The following FARP1 variants were observed in gnomAD, a reference collection of about 807,000 sequenced individuals.
FARP1 encodes FERM, ARH/RhoGEF and pleckstrin domain protein 1.
Under a neutral mutation model 128.8 loss-of-function variants are expected in FARP1, and 52 were observed. The ratio of observed to expected loss-of-function variants is 0.40; its 90% CI spans 0.32 to 0.51. FARP1 has a LOEUF of 0.51. Ranked by LOEUF, FARP1 falls within the 20% of genes least tolerant of loss-of-function variation. The pLI is 0.45. For synonymous variants in FARP1, 580 were observed against 551.8 expected, an observed-to-expected ratio of 1.05 and a Z score of -0.72; for missense variants, 1,333 against 1,367.9, an observed-to-expected ratio of 0.97 and a Z score of 0.40.
intron 3 of FARP1, among the ~76,000 whole-genome samples, chr13:98,357,764 C>T (rs1485338660): frequency 1.3e-5 from 2 of 152,016 alleles, no homozygotes; most frequent in Non-Finnish European, 2.9e-5. Context: ...GCTTCTTGTA[C>T]CTGATTTTTA....
rs1370379841 is a variant in FARP1, at chr13:98,440,171, T to C, written c.2565T>C (p.Ile855=). Residue 855 remains isoleucine (I), a synonymous_variant, in exon 23 of 27, where the codon ATT becomes ATC. Transcript: ENST00000319562. ...EKWVEDIQMA[I]DLAEKSSSPA... ...GGGTTGAGGACATCCAGATGGCCAT[T>C]GACCTGGCGGAGAAGAGCAGCAGCC... is the stretch of plus-strand genomic sequence containing the variant. The C allele has an allele frequency of 4.3e-6, 7 of 1,613,934 alleles. No homozygotes were observed. The highest frequency in any genetic ancestry group is 5.9e-6 in the Non-Finnish European group (7 of 1,180,010).
rs10555277 is a variant in FARP1, at chr13:98,346,186, ATTTTTTTT to A, written c.276+2334_276+2341del. On this transcript the variant is annotated intron_variant, in intron 3 of 26. Transcript: ENST00000319562. The stretch of plus-strand genomic sequence containing the variant: ...TTCCAGCCTGAGCTAATTGCATATA[ATTTTTTTT>A]TTTTTTTTTTTTTGAGAAGGTGTCT... Among the ~76,000 whole-genome samples the A allele has an allele frequency of 1.0e-4, 11 of 105,678 alleles. No homozygotes were observed. The South Asian group carries it at 3.9e-3, about 38-fold the overall frequency. The allele number at this position is 105,678 out of a possible 152,430, so 69.3% of individuals were successfully genotyped here. A position where few individuals can be genotyped will look rare whatever the true frequency, so the allele number is the denominator to read the frequency against.
chr13:98,151,660 CTTTTTTT>C (rs34250002), intron 1 of FARP1, among the ~76,000 whole-genome samples: 1 of 69,224 alleles, frequency 1.4e-5, no homozygotes, highest in South Asian at 8.7e-4. Flanking sequence ...TATCTTCCAT[CTTTTTTT>C]TTTTTTTTTT....
chr13:98,406,093 A>G (rs1300653147), intron 13 of FARP1: 1 of 152,210 alleles, frequency 6.6e-6, no homozygotes, highest in African/African-American at 2.4e-5. Context: ...TTATAGACAC[A>G]GCTCTTCCCA....
chr13:98,192,352 A>G (rs1315680256), intron 1 of FARP1, among the ~76,000 whole-genome samples: 1 of 152,066 alleles, frequency 6.6e-6, no homozygotes, highest in Non-Finnish European at 1.5e-5. Context: ...GTGTGTGTTG[A>G]ATCACATTGC....
At chr13:98,362,273 A>G (rs907713609) in intron 3 of FARP1, among the ~76,000 whole-genome samples, 1 of 152,132 alleles carries the variant, frequency 6.6e-6, no homozygotes, top group African/African-American at 2.4e-5. Context: ...CAAGCAAGTG[A>G]ACAATACCCT....
chr13:98,440,385 A>G (rs1164843598), intron 23 of FARP1, 150 bp downstream of exon 23: 4 of 680,260 alleles, frequency 5.9e-6, no homozygotes. Flanking sequence ...TCTTTTTCCT[A>G]AAAGTAAAAC....
At chr13:98,401,263 T>C (rs1035744839) in intron 13 of FARP1, 1 of 152,190 alleles carries the variant, frequency 6.6e-6, no homozygotes, top group African/African-American at 2.4e-5. Flanking sequence ...TTCTGTTTAA[T>C]TGAGTGAAAC....
chr13:98,238,130 G>A (rs1882541134), intron 2 of FARP1, among the ~76,000 whole-genome samples: 1 of 152,202 alleles, frequency 6.6e-6, no homozygotes, highest in Non-Finnish European at 1.5e-5. Context: ...TAAGATGACA[G>A]GAGAAGCAGC....
chr13:98,428,331 G>A (rs138661290), intron 17 of FARP1, among the ~76,000 whole-genome samples: 2,025 of 152,226 alleles, frequency 0.013, 26 homozygotes, highest in Non-Finnish European at 0.019. Context: ...TGGCAAGTGG[G>A]GACCTTCATT....
chr13:98,207,352 G>C (rs1880332710), intron 1 of FARP1, among the ~76,000 whole-genome samples: 1 of 152,054 alleles, frequency 6.6e-6, no homozygotes, highest in African/African-American at 2.4e-5. Flanking sequence ...AAATGCCAAG[G>C]TGCTAAAAAT....
At chr13:98,384,907 G>C in intron 7 of FARP1, 63 bp downstream of exon 7, 5 of 939,894 alleles carry the variant, frequency 5.3e-6, no homozygotes, top group Middle Eastern at 2.1e-4. Context: ...CAACCTACAT[G>C]GGTGTACATC....
chr13:98,281,561 C>T (rs894073293), intron 2 of FARP1, among the ~76,000 whole-genome samples: 1 of 152,128 alleles, frequency 6.6e-6, no homozygotes, highest in African/African-American at 2.4e-5. Context: ...CATGTCTCTA[C>T]CTTCCCATAC....
At chr13:98,439,036 G>A (rs1343100805) in intron 20 of FARP1, 71 bp from the exon 21 acceptor site, 1 of 1,424,064 alleles carries the variant, frequency 7.0e-7, no homozygotes, top group Non-Finnish European at 9.9e-7. Flanking sequence ...CACAGTTGAG[G>A]ACAGGGAATG....
intron 1 of FARP1, among the ~76,000 whole-genome samples, chr13:98,177,649 AT>A (rs1878185522): frequency 1.6e-5 from 2 of 125,738 alleles, no homozygotes; most frequent in Admixed American, 8.3e-5. Context: ...CCTGTCTCAA[AT>A]TAAAAAAAAA....
At chr13:98,145,029 A>G (rs1875417207) in intron 1 of FARP1, among the ~76,000 whole-genome samples, 1 of 152,154 alleles carries the variant, frequency 6.6e-6, no homozygotes, top group Admixed American at 6.6e-5. Context: ...AGCACAACGA[A>G]GCGTTTGTGT....
At chr13:98,361,811 C>T (rs1162340696) in intron 3 of FARP1, among the ~76,000 whole-genome samples, 1 of 152,160 alleles carries the variant, frequency 6.6e-6, no homozygotes, top group Admixed American at 6.5e-5. Context: ...TGTCCCTATC[C>T]CTATCCCTTA....
At chr13:98,318,817 C>T (rs1411018046) in intron 2 of FARP1, among the ~76,000 whole-genome samples, 2 of 152,212 alleles carry the variant, frequency 1.3e-5, no homozygotes, top group Non-Finnish European at 1.5e-5. Context: ...GCTGCCCTCA[C>T]TTGTCTGTGT....
At chr13:98,231,783 A>T (rs536794745) in intron 2 of FARP1, among the ~76,000 whole-genome samples, 3 of 152,258 alleles carry the variant, frequency 2.0e-5, no homozygotes, top group African/African-American at 7.2e-5. Flanking sequence ...TTTTTTCCTC[A>T]TAGAGAATAA....
Sources: allele counts gnomAD v4.1 joint callset (sites outside exome capture counted in the v4.1 genomes callset), GRCh38; gene constraint gnomAD v4.1.1; transcripts MANE v1.5; gene names NCBI Gene and HGNC (gene_info 2026-07-23, HGNC 2026-07-21).